The following SQSTM1 variants were observed in gnomAD, a reference collection of about 807,000 sequenced individuals.
SQSTM1 encodes sequestosome 1, also known as sequestosome-1.
Under a neutral mutation model 45.1 loss-of-function variants are expected in SQSTM1, and 36 were observed. The observed-to-expected ratio is 0.80, with a 90% CI of 0.61 to 1.05. The LOEUF (loss-of-function observed/expected upper bound fraction) is 1.05, where lower values mean the gene tolerates loss of function less well. SQSTM1 is among the 50% of genes least tolerant of loss of function. The pLI is 0.00. For missense variants in SQSTM1, 617 were observed against 607.1 expected, an observed-to-expected ratio of 1.02 and a Z score of -0.17; for synonymous variants, 290 against 244.3, an observed-to-expected ratio of 1.19 and a Z score of -1.74.
intron 1 of SQSTM1, among the ~76,000 whole-genome samples, chr5:179,808,702 C>T (rs1350055461): frequency 6.6e-6 from 1 of 152,026 alleles, no homozygotes; most frequent in East Asian, 1.9e-4. Flanking sequence ...CCTGTAATCC[C>T]AGCACTCTGA....
upstream of SQSTM1, among the ~76,000 whole-genome samples, chr5:179,818,289 G>A (rs1757644293): frequency 1.3e-5 from 2 of 152,178 alleles, no homozygotes; most frequent in South Asian, 4.1e-4. Context: ...GGAGGCCCCC[G>A]CACAGACCAG....
chr5:179,821,184 A>G, intron 1 of SQSTM1, 43 bp downstream of exon 1: 3 of 1,317,828 alleles, frequency 2.3e-6, no homozygotes, highest in Non-Finnish European at 2.9e-6. Context: ...CGCAGGCCGG[A>G]CACGGCCTCC....
chr5:179,806,968 C>CTGGATCTGGG lies in SQSTM1; in HGVS notation c.-157+377_-157+378insTGGATCTGGG, dbSNP rs1367983664. The stretch of plus-strand genomic sequence containing the variant: ...TGGATCTGGGGCCTGGATCTGGGGC[C>CTGGATCTGGG]GCCGCGGAGTCGACGGCGCAGGGCG... On this transcript the variant is annotated intron_variant, in intron 1 of 5. Coordinates refer to the SQSTM1 transcript ENST00000514093. The surrounding 1 kb of genome is among the most constrained non-coding windows in gnomAD (Gnocchi z 4.6). 2 of 150,708 alleles carry CTGGATCTGGG rather than the reference C, an allele frequency of 1.3e-5. No homozygotes were observed. The highest frequency in any genetic ancestry group is 4.2e-4 in the South Asian group (2 of 4,814). The allele number at this position is 150,708 out of a possible 1,614,324, so 9.3% of individuals were successfully genotyped here.
intron 1 of SQSTM1, chr5:179,822,383 G>A (rs1268062304): frequency 1.2e-5 from 2 of 171,632 alleles, no homozygotes; most frequent in Admixed American, 1.1e-4. Context: ...GCCCTCGGTG[G>A]ATGGCGTGGT....
intron 7 of SQSTM1, 72 bp from the exon 8 acceptor site, chr5:179,836,364 A>G (rs1758553618): frequency 1.2e-6 from 2 of 1,608,274 alleles, no homozygotes; most frequent in South Asian, 2.2e-5. Flanking sequence ...TGGCCAAGGC[A>G]GCAGGGTATG....
intron 6 of SQSTM1, 82 bp downstream of exon 6, chr5:179,833,328 C>A: frequency 7.5e-7 from 1 of 1,332,730 alleles, no homozygotes; most frequent in South Asian, 1.3e-5. Flanking sequence ...ATCCTCAGCA[C>A]CTCTGCAGCC....
intron 2 of SQSTM1, chr5:179,811,997 G>A (rs1448060986): frequency 1.3e-5 from 2 of 152,082 alleles, no homozygotes; most frequent in Non-Finnish European, 2.9e-5. Flanking sequence ...GTAGAGACGG[G>A]GTTTCACCGT....
chr5:179,807,160 G>A (rs1351541139), intron 1 of SQSTM1, among the ~76,000 whole-genome samples: 2 of 151,694 alleles, frequency 1.3e-5, no homozygotes, highest in Non-Finnish European at 2.9e-5. Flanking sequence ...GACCGCAGCC[G>A]GGGCGGGGGG....
At chr5:179,821,846 G>A (rs942389071) in intron 1 of SQSTM1, 12 of 266,542 alleles carry the variant, frequency 4.5e-5, no homozygotes, top group African/African-American at 9.5e-5. Context: ...GGTGGTTGTG[G>A]CCAGGAGGGC....
In SQSTM1 at chr5:179,838,035, G is replaced by A. The variant is rs1582034652; in HGVS notation, c.*1442G>A. The A allele has an allele frequency of 2.8e-6, 2 of 708,738 alleles. No homozygotes were observed. Among genetic ancestry groups the A allele is most frequent in the East Asian group, 2.7e-5 (1 of 36,978 alleles). 43.9% of individuals were successfully genotyped at this position (708,738 alleles called of 1,614,324 possible). ...GCTGGGACAGGCTTTGATTTTGAGG[G>A]TTAGCAAGACAAAGCAAATAAATGC... On this transcript the variant is annotated 3_prime_UTR_variant, in exon 8 of 8. Coordinates refer to ENST00000389805, the MANE Select transcript of SQSTM1 (RefSeq NM_003900.5).
At position 179,834,027 on chromosome 5, in the gene SQSTM1, A is replaced by G. The variant is rs35968447; in HGVS notation, c.1165+245A>G. ...GCAAACTCCAGAGCCAGGAATATTA[A>G]TTGTAGGAGTTTCTAAAACTTAACA... On this transcript the variant is annotated intron_variant, in intron 7 of 7. Coordinates refer to ENST00000389805, the MANE Select transcript of SQSTM1 (RefSeq NM_003900.5). 0.1 allele frequency among the ~76,000 whole-genome samples: 15,620 copies of G among 151,976 alleles called. 1,003 individuals carry two copies. The highest frequency in any genetic ancestry group is 0.14 in the Non-Finnish European group (9,537 of 67,930).
Position 179,820,990 on chromosome 5 carries a change from C to T in SQSTM1, c.54C>T (p.Arg18=). The T allele has an allele frequency of 6.4e-7, 1 of 1,573,858 alleles. No homozygotes were observed. Among genetic ancestry groups the T allele is most frequent in the Non-Finnish European group, 8.6e-7 (1 of 1,169,122 alleles). ...TTCTGGGCAAGGAGGACGCGGCGCG[C>T]GAGATTCGCCGCTTCAGCTTCTGCT... ...AYLLGKEDAA[R]EIRRFSFCCS... The change falls in exon 1 of 8, where the codon CGC becomes CGT. Residue 18 remains arginine (R), a synonymous_variant. Transcript: ENST00000389805.
intron 5 of SQSTM1, among the ~76,000 whole-genome samples, chr5:179,828,893 A>G (rs1038592404): frequency 1.3e-5 from 2 of 152,196 alleles, no homozygotes; most frequent in African/African-American, 2.4e-5. Flanking sequence ...TGGAAGATGG[A>G]CATGGAGGGA....
intron 5 of SQSTM1, among the ~76,000 whole-genome samples, chr5:179,828,544 T>C (rs1331082127): frequency 6.6e-6 from 1 of 152,010 alleles, no homozygotes; most frequent in Non-Finnish European, 1.5e-5. Context: ...CTGGCTAATT[T>C]TGTATTTTTA....
At chr5:179,835,675 GGAGAAA>G (rs59218816) in intron 7 of SQSTM1, 70,170 of 154,064 alleles carry the variant, frequency 0.46, 16,730 homozygotes, top group East Asian at 0.78. Flanking sequence ...GGGAGACCGT[GGAGAAA>G]GAGGGAGAGG....
Position 179,825,154 on chromosome 5 carries a change from C to T in SQSTM1, c.682C>T (p.Pro228Ser), listed in dbSNP as rs762503146. The change falls in exon 5 of 8, where the codon CCA (proline) becomes TCA (serine). Residue 228 changes from proline (P) to serine (S), a missense_variant. Coordinates refer to ENST00000389805, the MANE Select transcript of SQSTM1 (RefSeq NM_003900.5). ...CTTTGTAAAAATCAAAGCTTCTGGT[C>T]CATCGGAGGATCCGAGTGTGAATTT... ...PGPTAESASG[P>S]SEDPSVNFLK... The T allele has an allele frequency of 1.9e-6, 3 of 1,614,034 alleles. No homozygotes were observed. Among genetic ancestry groups the T allele is most frequent in the South Asian group, 2.2e-5 (2 of 91,088 alleles).
chr5:179,834,805 T>A (rs1758439857), intron 7 of SQSTM1, among the ~76,000 whole-genome samples: 1 of 152,200 alleles, frequency 6.6e-6, no homozygotes, highest in South Asian at 2.1e-4. Flanking sequence ...GTCTACTTCT[T>A]TCCACACAGA....
chr5:179,809,325 ATTTTTTTTTTTTT>A (rs71001049), intron 1 of SQSTM1, among the ~76,000 whole-genome samples: 5 of 41,076 alleles, frequency 1.2e-4, no homozygotes, highest in Middle Eastern at 0.031. Flanking sequence ...CGCCTGGCTA[ATTTTTTTTTTTTT>A]TTTTTTTTTT....
intron 7 of SQSTM1, among the ~76,000 whole-genome samples, chr5:179,834,602 AGTG>A (rs1382975691): frequency 3.3e-5 from 5 of 151,630 alleles, no homozygotes; most frequent in African/African-American, 4.9e-5. Flanking sequence ...GAGATTAGGG[AGTG>A]GTGATGACTC....
Sources: gnomAD v4.1 joint callset for allele counts (sites outside exome capture counted in the v4.1 genomes callset) on GRCh38, gnomAD v4.1.1 for gene constraint, Gnocchi (gnomAD v3.1) non-coding constraint, MANE v1.5 for transcripts, NCBI Gene and HGNC (gene_info 2026-07-23, HGNC 2026-07-21) for gene names.